The following NEK6 variants were observed in gnomAD, a reference collection of about 807,000 sequenced individuals.
NEK6 encodes the protein NIMA related kinase 6.
Under a neutral mutation model 43.5 loss-of-function variants are expected in NEK6, and 27 were observed. The observed-to-expected ratio is 0.62, with a 90% CI of 0.46 to 0.86. The LOEUF is 0.86. Ranked by LOEUF, NEK6 falls within the 40% of genes least tolerant of loss-of-function variation. NEK6 has a pLI of 0.00. For synonymous variants in NEK6, 167 were observed against 164.1 expected (o/e 1.02, Z -0.14); for missense variants, 318 against 414.4 (o/e 0.77, Z 2.02).
At chr9:124,348,764 C>A (rs80241341) in intron 9 of NEK6, among the ~76,000 whole-genome samples, 1 of 152,334 alleles carries the variant, frequency 6.6e-6, no homozygotes, top group African/African-American at 2.4e-5. Flanking sequence ...GAGTCTGGGG[C>A]CTCCGTGGGC....
At chr9:124,333,456 A>G (rs1829123202) in intron 7 of NEK6, among the ~76,000 whole-genome samples, 1 of 152,208 alleles carries the variant, frequency 6.6e-6, no homozygotes, top group African/African-American at 2.4e-5. Flanking sequence ...GCCGGGAGGC[A>G]GGGACCTGAG....
At chr9:124,320,788 A>AT (rs923571769) in intron 4 of NEK6, among the ~76,000 whole-genome samples, 4 of 152,050 alleles carry the variant, frequency 2.6e-5, no homozygotes, top group African/African-American at 9.7e-5. Flanking sequence ...GCCTCCAGGG[A>AT]TTTTTTTCAA....
At chr9:124,276,868 C>T (rs984767535) in intron 1 of NEK6, among the ~76,000 whole-genome samples, 5 of 152,138 alleles carry the variant, frequency 3.3e-5, no homozygotes, top group African/African-American at 4.8e-5. Flanking sequence ...TAAGTGGCTC[C>T]GTGGAGCTGA....
intron 3 of NEK6, 106 bp downstream of exon 3, chr9:124,312,755 G>C: frequency 1.7e-6 from 2 of 1,179,298 alleles, no homozygotes; most frequent in African/African-American, 1.5e-5. Context: ...TGTGAACGAG[G>C]GAAACAGCAC....
intron 1 of NEK6, among the ~76,000 whole-genome samples, chr9:124,301,061 G>T (rs771027443): frequency 1.3e-5 from 2 of 152,204 alleles, no homozygotes; most frequent in East Asian, 3.9e-4. Flanking sequence ...TGGGGTGAGC[G>T]CAGGTCTCTC....
rs189946514 is a variant in NEK6 at position 124,313,053 on chromosome 9, C to A, written c.231+404C>A. Among the ~76,000 whole-genome samples the A allele has an allele frequency of 7.3e-4, 111 of 152,304 alleles. No homozygotes were observed. In the East Asian group the frequency reaches 0.019, roughly 26 times the overall value. On this transcript the variant is annotated intron_variant, in intron 3 of 9. Transcript: ENST00000320246. ...CCTGCGGTTGCTCCACAGTTCTGGG[C>A]TTCCTGCCTTCTGCGTCCCTCCTAA...
chr9:124,312,122 C>T (rs1016540765), intron 2 of NEK6, among the ~76,000 whole-genome samples: 14 of 152,240 alleles, frequency 9.2e-5, no homozygotes, highest in African/African-American at 2.7e-4. Context: ...GAGCTGCACC[C>T]GGCTTACCGG....
chr9:124,301,929 G>T lies in NEK6; in HGVS notation c.-29-7G>T. On this transcript the variant is annotated splice_region_variant and splice_polypyrimidine_tract_variant and intron_variant, in intron 1 of 9. Coordinates refer to ENST00000320246, the MANE Select transcript of NEK6 (RefSeq NM_014397.6). ...GAAAGTGAACAGGCCGCTGTTTTCT[G>T]TTGCAGTTCGTGCCCTCGTGAGGCT... The T allele has an allele frequency of 6.4e-7, 1 of 1,564,954 alleles. No individual in the cohort carries two copies.
At chr9:124,281,559 G>A (rs1419944784) in intron 1 of NEK6, among the ~76,000 whole-genome samples, 5 of 138,452 alleles carry the variant, frequency 3.6e-5, no homozygotes, top group African/African-American at 8.2e-5. Flanking sequence ...GGAGTGCAGT[G>A]GTGCGATCCC....
intron 1 of NEK6, among the ~76,000 whole-genome samples, chr9:124,284,689 G>A (rs1419152411): frequency 1.3e-5 from 2 of 152,332 alleles, no homozygotes; most frequent in East Asian, 1.9e-4. Context: ...TTCTCCGGAC[G>A]CCTGTGGAGG....
intron 1 of NEK6, among the ~76,000 whole-genome samples, chr9:124,286,192 G>A (rs1027501602): frequency 6.6e-6 from 1 of 152,238 alleles, no homozygotes; most frequent in Admixed American, 6.5e-5. Context: ...CTTCGGGCTG[G>A]CTGGGGGCCT....
chr9:124,329,044 C>T (rs1828828437), intron 7 of NEK6, among the ~76,000 whole-genome samples: 1 of 152,248 alleles, frequency 6.6e-6, no homozygotes, highest in Admixed American at 6.5e-5. Flanking sequence ...CAGGCCTCTC[C>T]TTCAGAACCC....
intron 1 of NEK6, among the ~76,000 whole-genome samples, chr9:124,265,022 C>T (rs1162597483): frequency 6.6e-6 from 1 of 152,026 alleles, no homozygotes; most frequent in African/African-American, 2.4e-5. Flanking sequence ...GATAAATCCA[C>T]ATAGACCTAA....
Position 124,312,645 on chromosome 9 carries a change from T to C in NEK6, c.227T>C (p.Val76Ala), listed in dbSNP as rs1427488678. 3.1e-6 allele frequency: 5 copies of C among 1,612,144 alleles called. No homozygotes were observed. The highest frequency in any genetic ancestry group is 1.3e-5 in the African/African-American group (1 of 74,976). ...LDRKTVALKK[V>A]QIFEMMDAKA... Reference sequence around the variant, plus strand: ...AGGAAGACAGTGGCTCTGAAGAAGGTGCAGGTGAGCTGACAACCCGTGGGG... The same window carrying C: ...AGGAAGACAGTGGCTCTGAAGAAGGCGCAGGTGAGCTGACAACCCGTGGGG... Residue 76 changes from valine to alanine, a missense_variant, in exon 3 of 10, where the codon GTG (valine) becomes GCG (alanine). Val to Ala is a moderately conservative substitution (Grantham distance 64, BLOSUM62 0). Transcript: ENST00000320246.
chr9:124,310,729 C>T (rs1450664712), intron 2 of NEK6, among the ~76,000 whole-genome samples: 2 of 152,170 alleles, frequency 1.3e-5, no homozygotes, highest in South Asian at 4.2e-4. Context: ...TCCCAAATGG[C>T]TGGGATTTAC....
intron 2 of NEK6, among the ~76,000 whole-genome samples, chr9:124,305,017 G>A (rs1833181181): frequency 6.6e-6 from 1 of 152,356 alleles, no homozygotes; most frequent in African/African-American, 2.4e-5. Flanking sequence ...CCAAGAAGGG[G>A]AAAGGTATTC....
At chr9:124,293,025 A>T (rs749557191) in intron 1 of NEK6, 3 of 1,515,910 alleles carry the variant, frequency 2.0e-6, no homozygotes, top group Non-Finnish European at 2.7e-6. Flanking sequence ...TGAGAGCAAG[A>T]TCATTTCCCA....
Position 124,324,168 on chromosome 9 carries a change from C to G in NEK6, c.406-2162C>G, listed in dbSNP as rs921914905. ...AGACCCACTCGAGTAAGACACGTCCCCTGGATGGCCTCAGGCGGGTCCCTG... is the reference window on the plus strand; with the variant it reads ...AGACCCACTCGAGTAAGACACGTCCGCTGGATGGCCTCAGGCGGGTCCCTG... On this transcript the variant is annotated intron_variant, in intron 5 of 9. Coordinates refer to ENST00000320246, the MANE Select transcript of NEK6 (RefSeq NM_014397.6). This position sits in a 1 kb window ranked among gnomAD's most constrained non-coding sequence, Gnocchi z 5.3. 5.3e-5 allele frequency among the ~76,000 whole-genome samples: 8 copies of G among 152,236 alleles called. No homozygotes were observed. The highest frequency in any genetic ancestry group is 1.0e-4 in the Non-Finnish European group (7 of 68,040).
intron 8 of NEK6, among the ~76,000 whole-genome samples, chr9:124,344,176 T>C (rs923978505): frequency 6.6e-6 from 1 of 152,236 alleles, no homozygotes; most frequent in African/African-American, 2.4e-5. Context: ...CTCCCTGTCA[T>C]GAGGGCTCTT....
Sources: gnomAD v4.1 joint callset for allele counts (sites outside exome capture counted in the v4.1 genomes callset) on GRCh38, gnomAD v4.1.1 for gene constraint, Gnocchi (gnomAD v3.1) non-coding constraint, MANE v1.5 for transcripts, NCBI Gene and HGNC (gene_info 2026-07-23, HGNC 2026-07-21) for gene names.